ABCA2: variants seen among roughly 807,000 people sequenced by gnomAD.
ABCA2 encodes the protein ATP-binding cassette sub-family A member 2.
A neutral mutation model predicts 262.8 loss-of-function variants in ABCA2; 84 were observed. The ratio of observed to expected loss-of-function variants is 0.32; its 90% confidence interval spans 0.27 to 0.38. The LOEUF (loss-of-function observed/expected upper bound fraction) is 0.38, where lower values mean the gene tolerates loss of function less well. Ranked by LOEUF, ABCA2 falls within the 10% of genes least tolerant of loss-of-function variation. The pLI is 1.00. For synonymous variants in ABCA2, 1,696 were observed against 1,502.9 expected (o/e 1.13, Z -2.97); for missense variants, 2,662 against 3,405.9 (o/e 0.78, Z 5.44).
rs373639242 is a variant in ABCA2 at position 137,012,728 on chromosome 9, G to C, written c.5065C>G (p.Arg1689Gly). ...CCAGCTCACCGGTGCAGTCGGAAGC[G>C]GTCGGAGGTGAAGAGCAGGTACTCA... ...VSEYLLFTSDRFRLHRYGAIT... is the reference protein window; with the variant it reads ...VSEYLLFTSDGFRLHRYGAIT... The change falls in exon 31 of 49, where the codon CGC becomes GGC. Residue 1689 changes from arginine (R) to glycine (G), a missense_variant. Transcript: ENST00000341511. The C allele has an allele frequency of 1.9e-6, 3 of 1,612,472 alleles. No individual in the cohort carries two copies. The highest frequency in any genetic ancestry group is 2.5e-6 in the Non-Finnish European group (3 of 1,179,884).
At chr9:137,012,462 C>T (rs759360645) in intron 32 of ABCA2, 23 bp downstream of exon 32, 2 of 1,610,562 alleles carry the variant, frequency 1.2e-6, no homozygotes, top group Non-Finnish European at 8.5e-7. Flanking sequence ...CACAGCGGGG[C>T]CCAGGCCCGC....
At chr9:137,022,034 T>TGTGGCTCAGATGGG (rs757996020) in intron 6 of ABCA2, 33 bp from the exon 7 acceptor site, 8 of 224,432 alleles carry the variant, frequency 3.6e-5, no homozygotes, top group African/African-American at 9.8e-5. Context: ...TCAGATGGGG[T>TGTGGCTCAGATGGG]GTGGGGGGCG....
chr9:137,022,812 A>G lies in ABCA2; in HGVS notation c.329T>C (p.Phe110Ser), dbSNP rs1295226592. 9 of 1,592,392 alleles carry G rather than the reference A, an allele frequency of 5.7e-6. No homozygotes were observed. Among genetic ancestry groups the G allele is most frequent in the Non-Finnish European group, 6.8e-6 (8 of 1,170,730 alleles). Residue 110 changes from phenylalanine to serine, a missense_variant, in exon 5 of 49, where the codon TTT becomes TCT. By Grantham distance (155) the Phe-to-Ser change is radical. Coordinates refer to ENST00000341511, the MANE Select transcript of ABCA2 (RefSeq NM_001606.5). ...LDRVVEEGNLFDPARPSLGSE... is the reference protein window; with the variant it reads ...LDRVVEEGNLSDPARPSLGSE... Reference sequence around the variant, plus strand: ...GCCCAGGCTGGGCCGCGCTGGGTCAAACAGGTTGCCTTCCTCCACCACGCG... The same window carrying G: ...GCCCAGGCTGGGCCGCGCTGGGTCAGACAGGTTGCCTTCCTCCACCACGCG...
intron 45 of ABCA2, 114 bp downstream of exon 45, chr9:137,009,255 GC>G: frequency 2.7e-6 from 1 of 364,944 alleles, no homozygotes; most frequent in Non-Finnish European, 4.7e-6. Context: ...AGTGCCCCCA[GC>G]CCCCCTGGCC....
chr9:137,010,361 G>C lies in ABCA2; in HGVS notation c.6185C>G (p.Ser2062Cys). ...KIENLTKVYK[S>C]RKIGRILAVD... ...GGCCAGGATACGGCCAATCTTCCGG[G>C]ACTTGTAGACCTGGCCAGGAGCCTG... Residue 2062 changes from serine to cysteine, a missense_variant, in exon 41 of 49, where the codon TCC becomes TGC. Ser to Cys is a moderately radical substitution (Grantham distance 112). Around this residue, in one of 12 missense-constraint regions of ABCA2, gnomAD observed 602 missense variants for 897.4 expected, o/e 0.67. Coordinates refer to ENST00000341511, the MANE Select transcript of ABCA2 (RefSeq NM_001606.5). 6.4e-7 allele frequency: 1 copy of C among 1,571,000 alleles called. No homozygotes were observed. Among genetic ancestry groups the C allele is most frequent in the Non-Finnish European group, 8.6e-7 (1 of 1,158,676 alleles).
intron 40 of ABCA2, 33 bp downstream of exon 40, chr9:137,010,587 A>AC: frequency 4.4e-5 from 13 of 293,768 alleles, no homozygotes; most frequent in Non-Finnish European, 6.8e-5. Flanking sequence ...GGCCTACCCC[A>AC]CCCAGGCCCC....
Position 137,008,527 on chromosome 9 carries a change from G to A in ABCA2, c.7164C>T (p.Leu2388=), listed in dbSNP as rs766516205. The A allele has an allele frequency of 2.3e-5, 36 of 1,598,560 alleles. No homozygotes were observed. Among genetic ancestry groups the A allele is most frequent in the Non-Finnish European group, 2.7e-5 (32 of 1,173,472 alleles). ...SALQSPLGCL[L]SLLRPRSAPT... ...GGGCAGACCGGGGCCGGAGCAGGCT[G>A]AGCAAGCAGCCGAGAGGGGACTGCA... Residue 2388 remains leucine (L), a synonymous_variant, in exon 48 of 49, where the codon CTC becomes CTT. Coordinates refer to ENST00000341511, the MANE Select transcript of ABCA2 (RefSeq NM_001606.5).
chr9:137,014,831 G>T, intron 25 of ABCA2, 21 bp from the exon 26 acceptor site: 1 of 1,594,184 alleles, frequency 6.3e-7, no homozygotes, highest in South Asian at 1.1e-5. Context: ...GGTGGAGGGG[G>T]AGGCTGCGGC....
In ABCA2 at chr9:137,021,596, A is replaced by G. The variant is rs753788813; in HGVS notation, c.693T>C (p.Ala231=). The change falls in exon 8 of 49, where the codon GCT becomes GCC. Residue 231 remains alanine (A), a synonymous_variant. Coordinates refer to ENST00000341511, the MANE Select transcript of ABCA2 (RefSeq NM_001606.5). This position sits in a 1 kb window ranked among gnomAD's most constrained non-coding sequence, Gnocchi z 6.0. ...AGGTGAGCTGCTCCAGGAGGGCAGG[A>G]GCCAGCAGCAGCTCCTGGGATGGGC... ...PLFRMEELLL[A]PALLEQLTCT... The G allele has an allele frequency of 6.7e-5, 105 of 1,555,610 alleles. 1 individual carries two copies. Among genetic ancestry groups the G allele is most frequent in the Middle Eastern group, 5.4e-4 (3 of 5,600 alleles).
At chr9:137,008,382 G>C in intron 48 of ABCA2, 34 bp downstream of exon 48, 1 of 1,547,848 alleles carries the variant, frequency 6.5e-7, no homozygotes, top group Non-Finnish European at 8.7e-7. Flanking sequence ...CCAGTGGGCA[G>C]AGCCCTGGAC....
rs758967494 is a variant in ABCA2 at position 137,013,599 on chromosome 9, G to A, written c.4448-36C>T. On this transcript the variant is annotated intron_variant, in intron 28 of 48. Transcript: ENST00000341511. ...GAGCAGGGAGGCCTGAGCAGGTTCT[G>A]CCCTCTGGCCAGCGGCCCCCAAGCC... 11 of 1,569,468 alleles carry A rather than the reference G, an allele frequency of 7.0e-6. No homozygotes were observed. The Admixed American group carries it at 1.7e-4, about 24-fold the overall frequency.
Position 137,019,311 on chromosome 9 carries a change from A to AG in ABCA2, c.1426-6dup. The AG allele has an allele frequency of 1.2e-6, 2 of 1,612,190 alleles. No homozygotes were observed. Among genetic ancestry groups the AG allele is most frequent in the Non-Finnish European group, 1.7e-6 (2 of 1,179,672 alleles). On this transcript the variant is annotated splice_region_variant and splice_polypyrimidine_tract_variant and intron_variant, in intron 10 of 48. Transcript: ENST00000341511. This position sits in a 1 kb window ranked among gnomAD's most constrained non-coding sequence, Gnocchi z 4.4. Reference sequence around the variant, plus strand: ...AAAAGCAAAAGTCTCGTTGGCCTGCAGGGGGTGAGGCAGGGGCATGGAGTT... The same window carrying AG: ...AAAAGCAAAAGTCTCGTTGGCCTGCAGGGGGGTGAGGCAGGGGCATGGAGTT...
chr9:137,027,147 C>T lies in ABCA2; in HGVS notation c.66+928G>A, dbSNP rs184211695. On this transcript the variant is annotated intron_variant, in intron 1 of 48. Coordinates refer to ENST00000341511, the MANE Select transcript of ABCA2 (RefSeq NM_001606.5). ...CACCTGCTCTGAGCCCTGGCCTGGA[C>T]AATCCCAAGGGCCTTCAGAAACCTA... 9.8e-5 allele frequency among the ~76,000 whole-genome samples: 15 copies of T among 152,382 alleles called. No individual in the cohort carries two copies. The East Asian group carries it at 2.9e-3, about 29-fold the overall frequency.
At chr9:137,026,697 C>T (rs547350077) in intron 1 of ABCA2, among the ~76,000 whole-genome samples, 9 of 152,342 alleles carry the variant, frequency 5.9e-5, no homozygotes, top group African/African-American at 1.9e-4. Context: ...CACTCCCTTC[C>T]CTGAGCATTG....
chr9:137,023,559 C>T (rs760885965), intron 3 of ABCA2: 127 of 746,256 alleles, frequency 1.7e-4, no homozygotes, highest in East Asian at 3.2e-4. Context: ...GCCCAGAAGC[C>T]GAGGCACCCC....
intron 2 of ABCA2, 58 bp from the exon 3 acceptor site, chr9:137,023,898 C>G: frequency 1.9e-6 from 2 of 1,042,264 alleles, no homozygotes; most frequent in Non-Finnish European, 3.0e-6. Flanking sequence ...CAAAACAGAA[C>G]AGAGGAGACC....
At position 137,017,871 on chromosome 9, in the gene ABCA2, C is replaced by A. The variant is rs761477579; in HGVS notation, c.2127G>T (p.Pro709=). 2.5e-6 allele frequency: 4 copies of A among 1,612,606 alleles called. No homozygotes were observed. Among genetic ancestry groups the A allele is most frequent in the Non-Finnish European group, 2.5e-6 (3 of 1,179,852 alleles). Residue 709 remains proline, a synonymous_variant, in exon 16 of 49, where the codon CCG becomes CCT. Transcript: ENST00000341511. ...DFLFVIEHMM[P]LCMVISWVYS... is the part of the protein sequence containing the mutation. ...AGACCCAGGAGATCACCATGCACAG[C>A]GGCATCATGTGCTCAATGACAAACA...
In ABCA2 at chr9:137,012,575, G is replaced by A; in HGVS notation, c.5097C>T (p.Thr1699=). Residue 1699 remains threonine, a synonymous_variant, in exon 32 of 49, where the codon ACC becomes ACT. Transcript: ENST00000341511. ...GGATGGACTTCAGGACGTTTCCAAA[G>A]GTGATGGCCCCATACCTGGGCAGGC... ...RFRLHRYGAI[T]FGNVLKSIPA... is the part of the protein sequence containing the mutation. 1 of 1,611,882 alleles carries A rather than the reference G, an allele frequency of 6.2e-7. No homozygotes were observed. Among genetic ancestry groups the A allele is most frequent in the African/African-American group, 1.3e-5 (1 of 75,046 alleles).
chr9:137,026,830 G>C (rs1057209068), intron 1 of ABCA2, among the ~76,000 whole-genome samples: 1 of 152,210 alleles, frequency 6.6e-6, no homozygotes, highest in Non-Finnish European at 1.5e-5. Context: ...TGTTCCCTTG[G>C]CCCTGCTCTG....
Sources: allele counts gnomAD v4.1 joint callset (sites outside exome capture counted in the v4.1 genomes callset), GRCh38; gene constraint gnomAD v4.1.1; regional missense constraint gnomAD v4.1.1; non-coding constraint Gnocchi (gnomAD v3.1); transcripts MANE v1.5; gene names NCBI Gene and HGNC (gene_info 2026-07-23, HGNC 2026-07-21).